Variants in RYR2 observed in about 807,000 individuals in gnomAD.
RYR2 encodes the protein cardiac muscle ryanodine receptor-calcium release channel.
RYR2 carries 227 observed loss-of-function variants against 601.1 expected under a neutral mutation model. That is an observed-to-expected ratio of 0.38 (90% CI 0.34 to 0.42). The LOEUF is 0.42. Among genes scored for constraint, RYR2 ranks in the 10% least tolerant of loss-of-function variants. The pLI is 1.00. For missense variants in RYR2, 4,646 were observed against 6,156.5 expected, an observed-to-expected ratio of 0.75 and a Z score of 8.21; for synonymous variants, 2,223 against 2,175.1, an observed-to-expected ratio of 1.02 and a Z score of -0.61.
At chr1:237,766,985 G>C (rs192113750) in intron 84 of RYR2, among the ~76,000 whole-genome samples, 2 of 152,166 alleles carry the variant, frequency 1.3e-5, no homozygotes, top group Admixed American at 1.3e-4. Context: ...TAGAAATTTA[G>C]GTCATTTGAC....
chr1:237,186,664 G>A (rs956291071), intron 1 of RYR2, among the ~76,000 whole-genome samples: 2 of 152,296 alleles, frequency 1.3e-5, no homozygotes, highest in African/African-American at 4.8e-5. Flanking sequence ...ACTTGCATAA[G>A]AGTCCCCATC....
intron 2 of RYR2, among the ~76,000 whole-genome samples, chr1:237,280,793 T>A (rs1037447666): frequency 2.0e-5 from 3 of 151,218 alleles, no homozygotes; most frequent in African/African-American, 7.3e-5. Flanking sequence ...TTTTTTTTTT[T>A]TTGTTTTCTG....
intron 3 of RYR2, among the ~76,000 whole-genome samples, chr1:237,336,754 G>A (rs1353952431): frequency 2.0e-5 from 3 of 151,926 alleles, no homozygotes; most frequent in Non-Finnish European, 2.9e-5. Context: ...CTACTCGGGA[G>A]GCTGAAGCAA....
chr1:237,454,313 C>T (rs1368611967), intron 14 of RYR2, 78 bp from the exon 15 acceptor site: 3 of 1,414,532 alleles, frequency 2.1e-6, no homozygotes, highest in African/African-American at 1.4e-5. Context: ...GAGATTAATG[C>T]CTGAAATCAT....
chr1:237,365,415 G>A (rs552494829), intron 5 of RYR2, among the ~76,000 whole-genome samples: 52 of 152,294 alleles, frequency 3.4e-4, no homozygotes, highest in Admixed American at 2.3e-3. Flanking sequence ...CGAATTCGGC[G>A]TTTTGGATGG....
chr1:237,790,586 CATTT>C (rs1467680612), intron 92 of RYR2, among the ~76,000 whole-genome samples: 1 of 152,118 alleles, frequency 6.6e-6, no homozygotes, highest in Non-Finnish European at 1.5e-5. Context: ...TGGAATATTA[CATTT>C]ATTATAGATA....
At chr1:237,818,992 T>G in intron 100 of RYR2, 44 bp from the exon 101 acceptor site, 1 of 1,544,380 alleles carries the variant, frequency 6.5e-7, no homozygotes. Flanking sequence ...GAAAAAAAAA[T>G]GGGTAATGTC....
intron 48 of RYR2, among the ~76,000 whole-genome samples, chr1:237,645,506 C>T (rs759949507): frequency 4.6e-5 from 7 of 152,138 alleles, no homozygotes; most frequent in Non-Finnish European, 8.8e-5. Flanking sequence ...ATAATAGTAC[C>T]AGTGACATAC....
intron 90 of RYR2, among the ~76,000 whole-genome samples, chr1:237,785,366 C>T (rs1695464885): frequency 6.6e-6 from 1 of 152,102 alleles, no homozygotes; most frequent in African/African-American, 2.4e-5. Flanking sequence ...ATTGTATGTT[C>T]TTTGTAGTCA....
intron 3 of RYR2, among the ~76,000 whole-genome samples, chr1:237,348,572 T>C (rs1698495330): frequency 6.6e-6 from 1 of 152,142 alleles, no homozygotes. Flanking sequence ...TCTACTCAGC[T>C]CACATTGAAT....
intron 17 of RYR2, among the ~76,000 whole-genome samples, chr1:237,473,477 C>CTTTCTTTCTTTCTTTCTTTCTT (rs1553464755): frequency 2.1e-5 from 3 of 145,548 alleles, no homozygotes; most frequent in Non-Finnish European, 4.6e-5. Flanking sequence ...ATCTATCTAT[C>CTTTCTTTCTTTCTTTCTTTCTT]TGGCATATAT....
chr1:237,711,286 G>C (rs1370306307), intron 70 of RYR2, among the ~76,000 whole-genome samples: 1 of 152,060 alleles, frequency 6.6e-6, no homozygotes, highest in Non-Finnish European at 1.5e-5. Context: ...AATTGATTTT[G>C]CCAGTCTTTT....
chr1:237,515,321 C>T (rs1055277975), intron 24 of RYR2, among the ~76,000 whole-genome samples: 3 of 152,126 alleles, frequency 2.0e-5, no homozygotes, highest in African/African-American at 7.2e-5. Context: ...GATTTTTAAT[C>T]GACATGTAAT....
chr1:237,586,743 G>A (rs559228120), intron 29 of RYR2, among the ~76,000 whole-genome samples: 4 of 151,222 alleles, frequency 2.6e-5, no homozygotes, highest in East Asian at 1.9e-4. Context: ...TTTTTGAGAC[G>A]GAGTCTTGCT....
At chr1:237,477,060 A>G (rs10802614) in intron 17 of RYR2, among the ~76,000 whole-genome samples, 75,981 of 151,986 alleles carry the variant, frequency 0.5, 20,095 homozygotes, top group East Asian at 0.7. Flanking sequence ...AAAACCCACC[A>G]AATCCATTAA....
intron 2 of RYR2, among the ~76,000 whole-genome samples, chr1:237,308,505 T>C (rs1694131921): frequency 6.6e-6 from 1 of 152,228 alleles, no homozygotes; most frequent in Non-Finnish European, 1.5e-5. Context: ...TGGTGGGTTC[T>C]TGGTCTCAAT....
At chr1:237,208,960 A>ATATATATATATATG (rs1558427878) in intron 1 of RYR2, among the ~76,000 whole-genome samples, 1 of 103,010 alleles carries the variant, frequency 9.7e-6, no homozygotes, top group Non-Finnish European at 2.1e-5. Flanking sequence ...ATATATATAT[A>ATATATATATATATG]TATATATATA....
At position 237,661,539 on chromosome 1, in the gene RYR2, C is replaced by G. The variant is rs148052093; in HGVS notation, c.8436+592C>G. Among the ~76,000 whole-genome samples the G allele has an allele frequency of 5.1e-3, 770 of 152,212 alleles. 12 individuals carry two copies. The South Asian group carries it at 0.055, about 11-fold the overall frequency. The stretch of plus-strand genomic sequence containing the variant: ...AGAAGAAGTAACCAGTTGTAAGGTC[C>G]TGAAGTTTTCCTAATGAAAACAGTA... On this transcript the variant is annotated intron_variant, in intron 56 of 104. Transcript: ENST00000366574.
At chr1:237,295,291 G>A (rs985063284) in intron 2 of RYR2, among the ~76,000 whole-genome samples, 1 of 151,824 alleles carries the variant, frequency 6.6e-6, no homozygotes, top group Admixed American at 6.6e-5. Context: ...AAAAAAATGA[G>A]TCAGGAAAGT....
Sources: gnomAD v4.1 joint callset for allele counts (sites outside exome capture counted in the v4.1 genomes callset) on GRCh38, gnomAD v4.1.1 for gene constraint, MANE v1.5 for transcripts, NCBI Gene and HGNC (gene_info 2026-07-23, HGNC 2026-07-21) for gene names.